The following LRMDA variants were observed in gnomAD, a reference collection of about 807,000 sequenced individuals.
LRMDA encodes the protein leucine-rich melanocyte differentiation-associated protein.
LRMDA carries 18 observed loss-of-function variants against 29.8 expected under a neutral mutation model. That is an observed-to-expected ratio of 0.60 (90% CI 0.42 to 0.90). The LOEUF (loss-of-function observed/expected upper bound fraction) is 0.90, where lower values mean the gene tolerates loss of function less well. LRMDA is among the 40% of genes least tolerant of loss of function. The pLI, the probability that LRMDA is intolerant of heterozygous loss-of-function variation, is 0.00. For missense variants in LRMDA, 273 were observed against 273.9 expected, an observed-to-expected ratio of 1.00 and a Z score of 0.02; for synonymous variants, 125 against 109.4, an observed-to-expected ratio of 1.14 and a Z score of -0.89.
At chr10:75,828,305 T>C (rs991854447) in intron 2 of LRMDA, among the ~76,000 whole-genome samples, 6 of 152,184 alleles carry the variant, frequency 3.9e-5, no homozygotes, top group Non-Finnish European at 8.8e-5. Flanking sequence ...TGTTGGTAGG[T>C]GAAAAGAAAG....
At chr10:76,321,017 G>GT (rs1489024262) in intron 5 of LRMDA, among the ~76,000 whole-genome samples, 4 of 151,800 alleles carry the variant, frequency 2.6e-5, no homozygotes, top group East Asian at 1.9e-4. Context: ...TAGAAATCAG[G>GT]TTTTTTTCTC....
At chr10:75,698,738 A>C (rs1842269868) in intron 2 of LRMDA, among the ~76,000 whole-genome samples, 1 of 151,244 alleles carries the variant, frequency 6.6e-6, no homozygotes, top group South Asian at 2.1e-4. Flanking sequence ...TAATAGGTTT[A>C]ATTTTATTTT....
At chr10:76,117,338 G>A (rs1363821924) in intron 5 of LRMDA, among the ~76,000 whole-genome samples, 2 of 152,160 alleles carry the variant, frequency 1.3e-5, no homozygotes, top group Non-Finnish European at 2.9e-5. Context: ...GGTTGATTAT[G>A]TACAATTTTG....
intron 2 of LRMDA, among the ~76,000 whole-genome samples, chr10:75,930,535 A>T (rs1255285886): frequency 6.6e-6 from 1 of 152,184 alleles, no homozygotes; most frequent in Non-Finnish European, 1.5e-5. Flanking sequence ...GATGATGGTG[A>T]TGATCATGTC....
intron 2 of LRMDA, among the ~76,000 whole-genome samples, chr10:75,862,437 A>G (rs1349750950): frequency 6.6e-6 from 1 of 152,138 alleles, no homozygotes; most frequent in Non-Finnish European, 1.5e-5. Context: ...GTCCCTTCCC[A>G]TTAGGTCCCC....
At chr10:76,031,866 G>T (rs1194762962) in intron 2 of LRMDA, among the ~76,000 whole-genome samples, 2 of 152,212 alleles carry the variant, frequency 1.3e-5, no homozygotes, top group East Asian at 3.9e-4. Flanking sequence ...CAAAGAGACA[G>T]ATGCTTTTGT....
chr10:75,530,937 C>G (rs1159315929), intron 2 of LRMDA, among the ~76,000 whole-genome samples: 5 of 152,086 alleles, frequency 3.3e-5, no homozygotes, highest in African/African-American at 1.2e-4. Flanking sequence ...ACTAATAGTT[C>G]ACTATTAGCA....
intron 2 of LRMDA, among the ~76,000 whole-genome samples, chr10:75,665,743 T>G (rs1235323482): frequency 6.6e-6 from 1 of 152,248 alleles, no homozygotes; most frequent in African/African-American, 2.4e-5. Context: ...TCTTGTCTAG[T>G]GCATCCTTCT....
At chr10:76,477,490 A>T (rs550997926) in intron 6 of LRMDA, among the ~76,000 whole-genome samples, 1 of 152,176 alleles carries the variant, frequency 6.6e-6, no homozygotes, top group African/African-American at 2.4e-5. Flanking sequence ...GGTAATTTAT[A>T]GATTCAATGC....
At chr10:75,672,608 A>G (rs1283002885) in intron 2 of LRMDA, among the ~76,000 whole-genome samples, 4 of 94,190 alleles carry the variant, frequency 4.2e-5, no homozygotes, top group Non-Finnish European at 1.9e-5. Context: ...TTTTTTTTAG[A>G]CAGCGTCTCA....
chr10:75,583,746 T>C (rs969458821), intron 2 of LRMDA, among the ~76,000 whole-genome samples: 6 of 152,154 alleles, frequency 3.9e-5, no homozygotes, highest in African/African-American at 1.4e-4. Flanking sequence ...TCTCATCAAC[T>C]TCTCTTTCTC....
intron 6 of LRMDA, among the ~76,000 whole-genome samples, chr10:76,410,279 T>TG (rs1401284699): frequency 6.7e-6 from 1 of 148,290 alleles, no homozygotes; most frequent in East Asian, 2.0e-4. Context: ...CATAGAGGCT[T>TG]GGAAAAATCA....
At chr10:76,468,431 G>C (rs904213548) in intron 6 of LRMDA, among the ~76,000 whole-genome samples, 25 of 152,066 alleles carry the variant, frequency 1.6e-4, no homozygotes, top group Non-Finnish European at 3.2e-4. Context: ...ACCCCTTTAG[G>C]GGGAGTGTTG....
intron 2 of LRMDA, among the ~76,000 whole-genome samples, chr10:75,593,751 G>T (rs79852280): frequency 1.3e-5 from 2 of 152,168 alleles, no homozygotes; most frequent in Non-Finnish European, 2.9e-5. Flanking sequence ...CACGTCAGGG[G>T]CTATGTGGAT....
intron 6 of LRMDA, among the ~76,000 whole-genome samples, chr10:76,337,286 A>G (rs987567518): frequency 6.6e-6 from 1 of 152,186 alleles, no homozygotes; most frequent in African/African-American, 2.4e-5. Flanking sequence ...CTAGTCAGAG[A>G]GAGGATCTAT....
At chr10:76,277,193 A>G (rs1214816350) in intron 5 of LRMDA, among the ~76,000 whole-genome samples, 1 of 152,162 alleles carries the variant, frequency 6.6e-6, no homozygotes, top group Non-Finnish European at 1.5e-5. Context: ...TGAGATTTCC[A>G]TGGTACTGCT....
intron 2 of LRMDA, among the ~76,000 whole-genome samples, chr10:75,628,596 G>A (rs1313103415): frequency 2.0e-5 from 3 of 152,152 alleles, no homozygotes; most frequent in African/African-American, 7.2e-5. Context: ...GCAAACTATC[G>A]AAACAATTCA....
intron 2 of LRMDA, among the ~76,000 whole-genome samples, chr10:75,623,471 G>A (rs1366407464): frequency 1.3e-5 from 2 of 152,298 alleles, no homozygotes; most frequent in Admixed American, 6.5e-5. Context: ...GAGTGACATT[G>A]TCAGGGTCTG....
intron 6 of LRMDA, among the ~76,000 whole-genome samples, chr10:76,463,238 T>C (rs1036045106): frequency 6.6e-6 from 1 of 152,180 alleles, no homozygotes; most frequent in Non-Finnish European, 1.5e-5. Flanking sequence ...AATACTGTAA[T>C]TGTGGGCCAG....
Sources: gnomAD v4.1 joint callset for allele counts (sites outside exome capture counted in the v4.1 genomes callset) on GRCh38, gnomAD v4.1.1 for gene constraint, MANE v1.5 for transcripts, NCBI Gene and HGNC (gene_info 2026-07-23, HGNC 2026-07-21) for gene names.